Variants in NBEA observed in about 807,000 individuals in gnomAD.
NBEA encodes lysosomal-trafficking regulator 2.
NBEA carries 44 observed loss-of-function variants against 343.4 expected under a neutral mutation model. The ratio of observed to expected loss-of-function variants is 0.13; its 90% CI spans 0.10 to 0.16. NBEA has a LOEUF of 0.16. NBEA is among the 10% of genes least tolerant of loss of function. NBEA has a pLI of 1.00. For missense variants in NBEA, 2,555 were observed against 3,631.3 expected (o/e 0.70, Z 7.62); for synonymous variants, 1,175 against 1,238.7 (o/e 0.95, Z 1.08).
chr13:35,412,362 T>C (rs1399455035), intron 38 of NBEA, among the ~76,000 whole-genome samples: 1 of 152,162 alleles, frequency 6.6e-6, no homozygotes, highest in African/African-American at 2.4e-5. Context: ...TTTCAACATA[T>C]TTTGTAATCA....
intron 38 of NBEA, among the ~76,000 whole-genome samples, chr13:35,429,833 G>GTGTGTGTGTA (rs1458906940): frequency 1.6e-5 from 2 of 121,396 alleles, no homozygotes; most frequent in Non-Finnish European, 3.4e-5. Context: ...GTGTGTGTGT[G>GTGTGTGTGTA]TACACACATT....
intron 33 of NBEA, among the ~76,000 whole-genome samples, chr13:35,215,387 A>C (rs958350365): frequency 2.6e-5 from 4 of 151,400 alleles, no homozygotes; most frequent in Non-Finnish European, 5.9e-5. Context: ...CTAAATTTTC[A>C]TGTGTTTGAT....
chr13:35,155,316 T>A, intron 18 of NBEA, among the ~76,000 whole-genome samples: 1 of 151,970 alleles, frequency 6.6e-6, no homozygotes, highest in Non-Finnish European at 1.5e-5. Flanking sequence ...TAGAAGTATG[T>A]GGAATTCATT....
chr13:35,133,470 A>G (rs1388736958), intron 17 of NBEA, among the ~76,000 whole-genome samples: 1 of 152,116 alleles, frequency 6.6e-6, no homozygotes, highest in Non-Finnish European at 1.5e-5. Flanking sequence ...CTTATACTCT[A>G]TGACTAAGGA....
chr13:35,177,134 T>C, intron 28 of NBEA, 31 bp downstream of exon 28: 1 of 1,465,436 alleles, frequency 6.8e-7, no homozygotes, highest in Non-Finnish European at 9.4e-7. Context: ...TTCCCTGAAA[T>C]AAACCTTCTA....
chr13:34,990,228 G>A (rs1298219567), intron 1 of NBEA, among the ~76,000 whole-genome samples: 2 of 151,022 alleles, frequency 1.3e-5, no homozygotes, highest in Non-Finnish European at 3.0e-5. Context: ...GTGCCCCAGT[G>A]GGGACTCTTT....
intron 23 of NBEA, among the ~76,000 whole-genome samples, chr13:35,162,754 G>A (rs2069667481): frequency 6.6e-6 from 1 of 151,586 alleles, no homozygotes; most frequent in Non-Finnish European, 1.5e-5. Context: ...GACTAATACT[G>A]GTTAATTAAC....
intron 33 of NBEA, among the ~76,000 whole-genome samples, chr13:35,215,109 T>C (rs537214566): frequency 1.3e-5 from 2 of 151,800 alleles, no homozygotes; most frequent in African/African-American, 4.8e-5. Context: ...ATTTTTTTTT[T>C]ACTTTTCTGG....
chr13:35,523,373 TAAGA>T (rs1441949375), intron 41 of NBEA, among the ~76,000 whole-genome samples: 1 of 152,232 alleles, frequency 6.6e-6, no homozygotes, highest in Non-Finnish European at 1.5e-5. Flanking sequence ...TTGTTTTTCT[TAAGA>T]AAGAAGAACA....
At chr13:35,199,908 G>A (rs2072897746) in intron 31 of NBEA, among the ~76,000 whole-genome samples, 1 of 151,966 alleles carries the variant, frequency 6.6e-6, no homozygotes, top group South Asian at 2.1e-4. Flanking sequence ...AGTCATCTGT[G>A]CAGATTAAGT....
chr13:35,493,827 A>G (rs988072786), intron 41 of NBEA, among the ~76,000 whole-genome samples: 35 of 152,038 alleles, frequency 2.3e-4, no homozygotes, highest in African/African-American at 8.4e-4. Flanking sequence ...CAGCAGTTTT[A>G]CCTTTAAAGG....
At chr13:35,587,302 A>T (rs968648563) in intron 46 of NBEA, among the ~76,000 whole-genome samples, 5 of 152,200 alleles carry the variant, frequency 3.3e-5, no homozygotes, top group African/African-American at 1.2e-4. Flanking sequence ...CTACACAGTC[A>T]ATTTGAGTTC....
At chr13:35,087,767 A>G (rs1208331725) in intron 10 of NBEA, among the ~76,000 whole-genome samples, 1 of 151,924 alleles carries the variant, frequency 6.6e-6, no homozygotes, top group Non-Finnish European at 1.5e-5. Context: ...ACACTTGGAC[A>G]GAATAGTCAG....
At chr13:35,145,870 A>C (rs2068386971) in intron 18 of NBEA, among the ~76,000 whole-genome samples, 2 of 152,156 alleles carry the variant, frequency 1.3e-5, no homozygotes, top group Non-Finnish European at 2.9e-5. Context: ...TTGGACAGGG[A>C]GGACAGGACT....
chr13:35,104,553 G>A (rs1351403953), intron 11 of NBEA, among the ~76,000 whole-genome samples: 2 of 151,902 alleles, frequency 1.3e-5, no homozygotes, highest in African/African-American at 4.8e-5. Context: ...TTTCTTGGAG[G>A]AGTGCTCACA....
intron 38 of NBEA, among the ~76,000 whole-genome samples, chr13:35,387,049 G>C (rs1274007050): frequency 6.6e-6 from 1 of 152,048 alleles, no homozygotes; most frequent in Non-Finnish European, 1.5e-5. Flanking sequence ...TGATATATTA[G>C]ATTGGTTTAT....
chr13:35,391,430 T>A (rs2042495362), intron 38 of NBEA, among the ~76,000 whole-genome samples: 1 of 152,178 alleles, frequency 6.6e-6, no homozygotes, highest in South Asian at 2.1e-4. Flanking sequence ...GTTATGCAAC[T>A]GTTATTATAG....
chr13:34,980,512 G>A (rs1487249667), intron 1 of NBEA, among the ~76,000 whole-genome samples: 1 of 151,202 alleles, frequency 6.6e-6, no homozygotes, highest in Non-Finnish European at 1.5e-5. Context: ...TTGGAATGAT[G>A]GTGTTCCTCC....
At chr13:34,975,793 T>A (rs2060153095) in intron 1 of NBEA, among the ~76,000 whole-genome samples, 1 of 152,054 alleles carries the variant, frequency 6.6e-6, no homozygotes, top group African/African-American at 2.4e-5. Context: ...CAAAAGAAGA[T>A]ATACAGATGG....
Sources: gnomAD v4.1 joint callset for allele counts (sites outside exome capture counted in the v4.1 genomes callset) on GRCh38, gnomAD v4.1.1 for gene constraint, MANE v1.5 for transcripts, NCBI Gene and HGNC (gene_info 2026-07-23, HGNC 2026-07-21) for gene names.